Variants in ATP6V1A observed in about 807,000 individuals in gnomAD.
ATP6V1A encodes V-type proton ATPase catalytic subunit A.
Under a neutral mutation model 70.1 loss-of-function variants are expected in ATP6V1A, and 18 were observed. The ratio of observed to expected loss-of-function variants is 0.26; its 90% CI spans 0.18 to 0.38. The LOEUF (loss-of-function observed/expected upper bound fraction) is 0.38. Among genes scored for constraint, ATP6V1A ranks in the 10% least tolerant of loss-of-function variants. The pLI, the probability that ATP6V1A is intolerant of heterozygous loss-of-function variation, is 1.00. For synonymous variants in ATP6V1A, 232 were observed against 253.8 expected (o/e 0.91, Z 0.82); for missense variants, 424 against 772.4 (o/e 0.55, Z 5.35).
At chr3:113,756,502 C>G (rs1294133025) in intron 1 of ATP6V1A, among the ~76,000 whole-genome samples, 1 of 152,062 alleles carries the variant, frequency 6.6e-6, no homozygotes, top group Non-Finnish European at 1.5e-5. Context: ...TAGCTTGGGT[C>G]TTTGGAAGGT....
At chr3:113,751,752 A>G (rs1399238706) in intron 1 of ATP6V1A, among the ~76,000 whole-genome samples, 4 of 151,508 alleles carry the variant, frequency 2.6e-5, no homozygotes, top group Admixed American at 6.6e-5. Context: ...GTATGTATAT[A>G]TAAAGACAGC....
At chr3:113,775,209 G>A (rs925110458) in intron 1 of ATP6V1A, among the ~76,000 whole-genome samples, 3 of 150,882 alleles carry the variant, frequency 2.0e-5, no homozygotes, top group East Asian at 1.9e-4. Flanking sequence ...TTTTGTAAGC[G>A]TATTACATTT....
intron 7 of ATP6V1A, among the ~76,000 whole-genome samples, chr3:113,789,100 T>G (rs1223554696): frequency 6.6e-6 from 1 of 152,168 alleles, no homozygotes; most frequent in African/African-American, 2.4e-5. Context: ...CAGGCTGGAG[T>G]GCAGTGACAC....
chr3:113,760,466 C>T (rs963424415), intron 1 of ATP6V1A, among the ~76,000 whole-genome samples: 2 of 152,290 alleles, frequency 1.3e-5, no homozygotes, highest in East Asian at 1.9e-4. Context: ...TGGTGGCTTA[C>T]GCCTGTAATC....
intron 1 of ATP6V1A, among the ~76,000 whole-genome samples, chr3:113,757,989 CA>C (rs1708663861): frequency 6.6e-6 from 1 of 152,012 alleles, no homozygotes; most frequent in Admixed American, 6.6e-5. Flanking sequence ...ACTGAAAATA[CA>C]AAAATTAGCT....
chr3:113,773,215 G>A (rs1708871158), intron 1 of ATP6V1A, among the ~76,000 whole-genome samples: 1 of 152,108 alleles, frequency 6.6e-6, no homozygotes. Flanking sequence ...TGGGATTACA[G>A]GTGTGAGCCA....
At chr3:113,776,108 C>T (rs1208758305) in intron 1 of ATP6V1A, among the ~76,000 whole-genome samples, 4 of 152,112 alleles carry the variant, frequency 2.6e-5, no homozygotes, top group Non-Finnish European at 5.9e-5. Flanking sequence ...TCTGTAATCC[C>T]AGCACTTTGG....
In ATP6V1A at chr3:113,762,849, A is replaced by G. The variant is rs896608455; in HGVS notation, c.-14+15736A>G. 3.9e-5 allele frequency among the ~76,000 whole-genome samples: 6 copies of G among 152,292 alleles called. No individual in the cohort carries two copies. In the South Asian group the frequency reaches 8.3e-4, roughly 21 times the overall value. ...ATTATTGGATTTTAAAGGTTTTTCT[A>G]ATATTGCAGTATAACAATAAACACG... On this transcript the variant is annotated intron_variant, in intron 1 of 14. Coordinates refer to ENST00000273398, the MANE Select transcript of ATP6V1A (RefSeq NM_001690.4).
chr3:113,761,487 A>T (rs1259577865), intron 1 of ATP6V1A, among the ~76,000 whole-genome samples: 1 of 151,924 alleles, frequency 6.6e-6, no homozygotes, highest in African/African-American at 2.4e-5. Flanking sequence ...GTGTTATCCC[A>T]GCGCTTTGGG....
Position 113,805,373 on chromosome 3 carries a change from A to T in ATP6V1A, c.1609A>T (p.Thr537Ser). 6.2e-7 allele frequency: 1 copy of T among 1,614,090 alleles called. No homozygotes were observed. Among genetic ancestry groups the T allele is most frequent in the Non-Finnish European group, 8.5e-7 (1 of 1,180,008 alleles). Residue 537 changes from threonine (T) to serine (S), a missense_variant, in exon 14 of 15, where the codon ACA becomes TCA. Around this residue, in one of 9 missense-constraint regions of ATP6V1A, gnomAD observed 127 missense variants for 207.9 expected, o/e 0.61. Coordinates refer to ENST00000273398, the MANE Select transcript of ATP6V1A (RefSeq NM_001690.4). ...TTCTAGGTTCTGCCCATTCTACAAG[A>T]CAGTAGGGATGCTGTCCAACATGAT... Reference protein sequence around the residue: ...PYDRFCPFYKTVGMLSNMIAF... With the variant: ...PYDRFCPFYKSVGMLSNMIAF...
At chr3:113,772,777 T>G (rs895028419) in intron 1 of ATP6V1A, among the ~76,000 whole-genome samples, 1 of 151,764 alleles carries the variant, frequency 6.6e-6, no homozygotes, top group Non-Finnish European at 1.5e-5. Context: ...GTTTACACTT[T>G]AAAACTCGTG....
intron 14 of ATP6V1A, among the ~76,000 whole-genome samples, chr3:113,806,444 G>A (rs1709276824): frequency 6.6e-6 from 1 of 151,582 alleles, no homozygotes; most frequent in Non-Finnish European, 1.5e-5. Context: ...TAAATATCAT[G>A]TACTGCAGGT....
intron 1 of ATP6V1A, among the ~76,000 whole-genome samples, chr3:113,775,458 G>A (rs985295015): frequency 6.6e-6 from 1 of 152,080 alleles, no homozygotes; most frequent in Admixed American, 6.6e-5. Flanking sequence ...TCGAACTTCT[G>A]ACCTCAAGTG....
chr3:113,761,099 T>G (rs1708699734), intron 1 of ATP6V1A, among the ~76,000 whole-genome samples: 1 of 151,842 alleles, frequency 6.6e-6, no homozygotes, highest in African/African-American at 2.4e-5. Context: ...TTTCTTTTCT[T>G]TTCTTTTTTT....
At chr3:113,750,510 AC>A (rs1708574117) in intron 1 of ATP6V1A, among the ~76,000 whole-genome samples, 1 of 152,072 alleles carries the variant, frequency 6.6e-6, no homozygotes, top group African/African-American at 2.4e-5. Context: ...AACAAAAAAA[AC>A]TAAGTGGTGT....
At chr3:113,807,498 C>T (rs1195735752) in intron 14 of ATP6V1A, among the ~76,000 whole-genome samples, 3 of 152,008 alleles carry the variant, frequency 2.0e-5, no homozygotes. Flanking sequence ...TTAAATGTCA[C>T]CCAAGAATGA....
chr3:113,795,172 T>C lies in ATP6V1A; in HGVS notation c.1194T>C (p.Pro398=), dbSNP rs1023816161. The C allele has an allele frequency of 1.1e-5, 18 of 1,614,050 alleles. No individual in the cohort carries two copies. In the African/African-American group the frequency reaches 2.4e-4, roughly 22 times the overall value. The change falls in exon 10 of 15, where the codon CCT becomes CCC. Residue 398 remains proline (P), a synonymous_variant. Coordinates refer to ENST00000273398, the MANE Select transcript of ATP6V1A (RefSeq NM_001690.4). ...RAGRVKCLGN[P]EREGSVSIVG... ...GCAGGGTGAAATGTCTTGGAAATCC[T>C]GAAAGAGAAGGGAGTGTCAGCATTG...
intron 1 of ATP6V1A, among the ~76,000 whole-genome samples, chr3:113,759,292 T>TG (rs1283384936): frequency 1.3e-5 from 2 of 151,450 alleles, no homozygotes; most frequent in African/African-American, 4.8e-5. Context: ...TACGGGTTTT[T>TG]TTTTTTTTTT....
At chr3:113,806,312 C>T (rs985018039) in intron 14 of ATP6V1A, among the ~76,000 whole-genome samples, 1 of 152,118 alleles carries the variant, frequency 6.6e-6, no homozygotes, top group African/African-American at 2.4e-5. Flanking sequence ...TCCCTTTTGT[C>T]TTAGTTGCCA....
Sources: gnomAD v4.1 joint callset for allele counts (sites outside exome capture counted in the v4.1 genomes callset) on GRCh38, gnomAD v4.1.1 for gene constraint, gnomAD v4.1.1 regional missense constraint, MANE v1.5 for transcripts, NCBI Gene and HGNC (gene_info 2026-07-23, HGNC 2026-07-21) for gene names.